The following TBP variants were observed in gnomAD, a reference collection of about 807,000 sequenced individuals.
TBP encodes the protein TATA-box binding protein, also known as TATA-box-binding protein.
TBP carries 12 observed loss-of-function variants against 46.2 expected under a neutral mutation model. The observed-to-expected ratio is 0.26, with a 90% CI of 0.17 to 0.42. The LOEUF is 0.42. Ranked by LOEUF, TBP falls within the 10% of genes least tolerant of loss-of-function variation. The pLI is 1.00. For missense variants in TBP, 229 were observed against 403.1 expected (o/e 0.57, Z 3.70); for synonymous variants, 157 against 148.3 (o/e 1.06, Z -0.42).
intron 3 of TBP, among the ~76,000 whole-genome samples, chr6:170,562,743 G>T (rs889017787): frequency 1.3e-5 from 2 of 152,174 alleles, no homozygotes; most frequent in African/African-American, 4.8e-5. Flanking sequence ...AATGAAGTGG[G>T]TTCTATATGT....
In TBP at chr6:170,572,431, G is replaced by A. The variant is rs1189116880; in HGVS notation, c.*166G>A. The A allele has an allele frequency of 1.6e-5, 10 of 627,698 alleles. No individual in the cohort carries two copies. Among genetic ancestry groups the A allele is most frequent in the Admixed American group, 8.6e-5 (3 of 34,698 alleles). 38.9% of individuals were successfully genotyped at this position (627,698 alleles called of 1,614,324 possible). A position where few individuals can be genotyped will look rare whatever the true frequency, so the allele number is the denominator to read the frequency against. On this transcript the variant is annotated 3_prime_UTR_variant, in exon 8 of 8. Coordinates refer to ENST00000392092, the MANE Select transcript of TBP (RefSeq NM_003194.5). ...CTGTAAGTGCCCACCGCGGGATGCC[G>A]GGAAGGGGCATTATTTGTGCACTGA...
intron 2 of TBP, among the ~76,000 whole-genome samples, chr6:170,559,792 G>A (rs764902928): frequency 1.3e-5 from 2 of 152,242 alleles, no homozygotes; most frequent in African/African-American, 2.4e-5. Context: ...TTTATAGCTA[G>A]AGAGGAGAAA....
rs1050590268 is a variant in TBP at position 170,569,666 on chromosome 6, G to A, written c.732G>A (p.Leu244=). 5.0e-6 allele frequency: 8 copies of A among 1,614,016 alleles called. No homozygotes were observed. In the African/African-American group the frequency reaches 8.0e-5, roughly 16 times the overall value. Reference sequence around the variant, plus strand: ...AATATGCTAGAGTTGTACAGAAGTTGGGTTTTCCAGCTAAGTTCTTGGACT... The same window carrying A: ...AATATGCTAGAGTTGTACAGAAGTTAGGTTTTCCAGCTAAGTTCTTGGACT... ...ARKYARVVQK[L]GFPAKFLDFK... The change falls in exon 6 of 8, where the codon TTG becomes TTA. Residue 244 remains leucine (L), a synonymous_variant. Coordinates refer to ENST00000392092, the MANE Select transcript of TBP (RefSeq NM_003194.5).
intron 6 of TBP, 85 bp from the exon 7 acceptor site, chr6:170,571,325 A>T (rs1322050892): frequency 2.3e-6 from 2 of 864,272 alleles, no homozygotes; most frequent in Non-Finnish European, 3.7e-6. Flanking sequence ...TTGTTTATTC[A>T]GTATTTTTCC....
intron 3 of TBP, 145 bp downstream of exon 3, chr6:170,562,378 T>A: frequency 1.1e-6 from 1 of 924,676 alleles, no homozygotes; most frequent in Non-Finnish European, 1.6e-6. Flanking sequence ...ATCTCACATT[T>A]GGGAAAGGGA....
chr6:170,562,718 G>T (rs1160944770), intron 3 of TBP, among the ~76,000 whole-genome samples: 1 of 152,110 alleles, frequency 6.6e-6, no homozygotes, highest in Non-Finnish European at 1.5e-5. Flanking sequence ...TGTCATAAAT[G>T]GATTTTTCTA....
In TBP at chr6:170,564,557, C is replaced by A; in HGVS notation, c.510C>A (p.Ser170=). Residue 170 remains serine, a synonymous_variant, in exon 4 of 8, where the codon TCC becomes TCA. Coordinates refer to ENST00000392092, the MANE Select transcript of TBP (RefSeq NM_003194.5). The part of the protein sequence containing the change: ...GIVPQLQNIV[S]TVNLGCKLDL... The stretch of plus-strand genomic sequence containing the variant: ...AAATCTCTTACAGAAATATTGTATC[C>A]ACAGTGAATCTTGGTTGTAAACTTG... 6.2e-7 allele frequency: 1 copy of A among 1,605,424 alleles called. No homozygotes were observed. The highest frequency in any genetic ancestry group is 1.1e-5 in the South Asian group (1 of 89,000).
At chr6:170,565,503 G>C (rs1292407028) in intron 4 of TBP, among the ~76,000 whole-genome samples, 1 of 152,060 alleles carries the variant, frequency 6.6e-6, no homozygotes, top group East Asian at 1.9e-4. Context: ...GACAGCTAAG[G>C]GTCTGAAAAT....
chr6:170,558,768 A>G (rs1779083204), intron 2 of TBP, among the ~76,000 whole-genome samples: 1 of 146,312 alleles, frequency 6.8e-6, no homozygotes, highest in Middle Eastern at 3.2e-3. Context: ...GTCTTGGCTC[A>G]CTGCAAACTC....
intron 1 of TBP, among the ~76,000 whole-genome samples, chr6:170,556,230 T>C (rs988417700): frequency 7.2e-5 from 11 of 152,238 alleles, no homozygotes; most frequent in Non-Finnish European, 1.6e-4. Context: ...TGTTATAAAC[T>C]CATTTCAGAT....
At chr6:170,556,175 A>G (rs1023127661) in intron 1 of TBP, among the ~76,000 whole-genome samples, 3 of 152,236 alleles carry the variant, frequency 2.0e-5, no homozygotes, top group African/African-American at 7.2e-5. Context: ...CTTTGGACAT[A>G]TAATTTGTAA....
intron 6 of TBP, among the ~76,000 whole-genome samples, chr6:170,570,702 G>A (rs1779351635): frequency 6.6e-6 from 1 of 152,134 alleles, no homozygotes; most frequent in African/African-American, 2.4e-5. Context: ...ACATGGTGGT[G>A]CATGCCTGTA....
intron 5 of TBP, among the ~76,000 whole-genome samples, chr6:170,568,772 C>T (rs1234355392): frequency 7.2e-5 from 7 of 97,716 alleles, no homozygotes; most frequent in African/African-American, 1.6e-4. Context: ...GCCTTTTTCT[C>T]TTTTATTTTT....
intron 2 of TBP, among the ~76,000 whole-genome samples, chr6:170,559,195 A>G (rs552234609): frequency 1.3e-5 from 2 of 152,270 alleles, no homozygotes; most frequent in African/African-American, 4.8e-5. Flanking sequence ...GCTAATTAAT[A>G]ACCTTACAGT....
At chr6:170,567,073 T>G in intron 5 of TBP, 64 bp downstream of exon 5, 1 of 1,385,472 alleles carries the variant, frequency 7.2e-7, no homozygotes, top group Non-Finnish European at 1.0e-6. Context: ...TATCTCATTG[T>G]TTTTAGGTTA....
intron 3 of TBP, among the ~76,000 whole-genome samples, chr6:170,562,758 G>A (rs1200261914): frequency 6.6e-6 from 1 of 152,218 alleles, no homozygotes; most frequent in African/African-American, 2.4e-5. Context: ...ATATGTAACA[G>A]TGTAGTAGGG....
intron 4 of TBP, among the ~76,000 whole-genome samples, chr6:170,565,447 AG>A (rs1562361107): frequency 6.6e-6 from 1 of 152,222 alleles, no homozygotes; most frequent in African/African-American, 2.4e-5. Context: ...TAATGGACTT[AG>A]GGTGCATTTT....
chr6:170,572,394 G>A lies in TBP; in HGVS notation c.*129G>A. On this transcript the variant is annotated 3_prime_UTR_variant, in exon 8 of 8. Transcript: ENST00000392092. ...TGTTGAGTTGCAGGGTGTGGCACCA[G>A]GTGATGCCCTTCTGTAAGTGCCCAC... The A allele has an allele frequency of 1.3e-6, 1 of 770,850 alleles. No individual in the cohort carries two copies. The highest frequency in any genetic ancestry group is 2.4e-4 in the Middle Eastern group (1 of 4,236). 47.8% of individuals were successfully genotyped at this position (770,850 alleles called of 1,614,324 possible). A position where few individuals can be genotyped will look rare whatever the true frequency, so the allele number is the denominator to read the frequency against.
chr6:170,571,985 G>T (rs973177144), intron 7 of TBP, among the ~76,000 whole-genome samples: 15 of 151,800 alleles, frequency 9.9e-5, no homozygotes, highest in African/African-American at 3.6e-4. Context: ...TCACTAAGAT[G>T]ATTTTTTAAA....
Sources: allele counts gnomAD v4.1 joint callset (sites outside exome capture counted in the v4.1 genomes callset), GRCh38; gene constraint gnomAD v4.1.1; transcripts MANE v1.5; gene names NCBI Gene and HGNC (gene_info 2026-07-23, HGNC 2026-07-21).